EXOC4: variants seen among roughly 807,000 people sequenced by gnomAD.
EXOC4 encodes the protein exocyst complex component 4.
In EXOC4, 71 loss-of-function variants were observed where a neutral mutation model predicts 107.2. The observed-to-expected ratio is 0.66, with a 90% CI of 0.55 to 0.81. The LOEUF is 0.81. EXOC4 is among the 30% of genes least tolerant of loss of function. The probability of loss-of-function intolerance (pLI) is 0.00; values close to 1 mark genes in which losing one functional copy is unlikely to be tolerated. For synonymous variants in EXOC4, 456 were observed against 441.2 expected (o/e 1.03, Z -0.42); for missense variants, 1,108 against 1,189.6 (o/e 0.93, Z 1.01).
chr7:134,051,846 C>T (rs1795799283), intron 17 of EXOC4, among the ~76,000 whole-genome samples: 1 of 151,272 alleles, frequency 6.6e-6, no homozygotes, highest in Non-Finnish European at 1.5e-5. Flanking sequence ...ATTAGCTGGG[C>T]ATGGTGGTGG....
intron 14 of EXOC4, among the ~76,000 whole-genome samples, chr7:133,954,398 T>A (rs1317821246): frequency 6.6e-6 from 1 of 152,256 alleles, no homozygotes; most frequent in Non-Finnish European, 1.5e-5. Flanking sequence ...GAAGCTGTAA[T>A]CATTAGGAAG....
At chr7:133,263,777 A>G (rs1793643625) in intron 1 of EXOC4, among the ~76,000 whole-genome samples, 1 of 2,734 alleles carries the variant, frequency 3.7e-4, no homozygotes, top group African/African-American at 1.8e-3. Flanking sequence ...GGGAGGGAAG[A>G]TGGTGGGAAA....
At chr7:133,956,096 G>A (rs897097742) in intron 14 of EXOC4, among the ~76,000 whole-genome samples, 9 of 152,236 alleles carry the variant, frequency 5.9e-5, no homozygotes, top group Non-Finnish European at 8.8e-5. Flanking sequence ...CTGCAACTGG[G>A]GGCCATCAAT....
chr7:133,967,833 T>C (rs771310944), intron 14 of EXOC4, among the ~76,000 whole-genome samples: 1 of 152,174 alleles, frequency 6.6e-6, no homozygotes. Context: ...GTTCTGTAGA[T>C]GTCTATTAGG....
intron 11 of EXOC4, among the ~76,000 whole-genome samples, chr7:133,849,760 A>G (rs1033748492): frequency 6.6e-6 from 1 of 152,228 alleles, no homozygotes; most frequent in Non-Finnish European, 1.5e-5. Flanking sequence ...CTAATGCCTA[A>G]CACGTAGTAG....
In EXOC4 at chr7:133,313,286, C is replaced by T. The variant is rs141803567; in HGVS notation, c.657-3998C>T. Among the ~76,000 whole-genome samples, 438 of 151,762 alleles carry T rather than the reference C, an allele frequency of 2.9e-3. 3 individuals carry two copies. The highest frequency in any genetic ancestry group is 9.9e-3 in the African/African-American group (409 of 41,408). ...ACCCTTTAAATCATTCTTATTCTTTCTGAGTGTTCCAACAGATCTTAGAAC... is the reference window on the plus strand; with the variant it reads ...ACCCTTTAAATCATTCTTATTCTTTTTGAGTGTTCCAACAGATCTTAGAAC... On this transcript the variant is annotated intron_variant, in intron 4 of 17. Coordinates refer to ENST00000253861, the MANE Select transcript of EXOC4 (RefSeq NM_021807.4).
chr7:133,341,905 C>G (rs1360901495), intron 5 of EXOC4, among the ~76,000 whole-genome samples: 1 of 152,128 alleles, frequency 6.6e-6, no homozygotes, highest in Non-Finnish European at 1.5e-5. Flanking sequence ...TACCCCTTTA[C>G]CTTAGATTTA....
At chr7:133,463,362 A>G (rs577208944) in intron 7 of EXOC4, among the ~76,000 whole-genome samples, 1 of 152,168 alleles carries the variant, frequency 6.6e-6, no homozygotes, top group African/African-American at 2.4e-5. Flanking sequence ...AGTTTGTTGG[A>G]CCCATGTTTT....
chr7:134,074,948 G>C, the EXOC4 span, among the ~76,000 whole-genome samples: 1 of 152,192 alleles, frequency 6.6e-6, no homozygotes, highest in Admixed American at 6.5e-5. Flanking sequence ...AGTGGAGCTA[G>C]AGAATCAATG....
chr7:133,542,877 T>A (rs753099124), intron 9 of EXOC4, among the ~76,000 whole-genome samples: 17 of 152,192 alleles, frequency 1.1e-4, no homozygotes, highest in Admixed American at 2.0e-4. Context: ...ATTTTATTTT[T>A]TTTTTGAATT....
At chr7:133,463,383 A>C (rs1249979694) in intron 7 of EXOC4, among the ~76,000 whole-genome samples, 1 of 152,148 alleles carries the variant, frequency 6.6e-6, no homozygotes, top group East Asian at 1.9e-4. Context: ...AGCATTTCCT[A>C]AACATCTGCT....
At chr7:133,639,865 T>G (rs1020128628) in intron 10 of EXOC4, among the ~76,000 whole-genome samples, 34 of 152,042 alleles carry the variant, frequency 2.2e-4, no homozygotes, top group African/African-American at 7.0e-4. Context: ...TGTAAATACA[T>G]GAGAAAGTAT....
At chr7:133,582,336 A>G (rs1476380736) in intron 9 of EXOC4, among the ~76,000 whole-genome samples, 1 of 152,192 alleles carries the variant, frequency 6.6e-6, no homozygotes, top group Non-Finnish European at 1.5e-5. Context: ...GCTGTGTAGT[A>G]TTCAAAGGTG....
chr7:133,360,988 A>C lies in EXOC4; in HGVS notation c.1007+4415A>C, dbSNP rs550331540. ...GGCTGCCTCTAGAATGGAAGAGAAG[A>C]GAGCACTAGTTTGTCTTGTTCAGTA... is the stretch of plus-strand genomic sequence containing the variant. On this transcript the variant is annotated intron_variant, in intron 6 of 17. Transcript: ENST00000253861. Among the ~76,000 whole-genome samples, 3 of 152,362 alleles carry C rather than the reference A, an allele frequency of 2.0e-5. No individual in the cohort carries two copies. In the South Asian group the frequency reaches 6.2e-4, roughly 32 times the overall value.
chr7:133,872,382 A>T (rs564385352), intron 11 of EXOC4, among the ~76,000 whole-genome samples: 3 of 152,296 alleles, frequency 2.0e-5, no homozygotes, highest in Non-Finnish European at 4.4e-5. Context: ...CTGTGTATTG[A>T]ACAAGAGCCA....
At chr7:133,963,685 G>A (rs1248199491) in intron 14 of EXOC4, among the ~76,000 whole-genome samples, 1 of 152,206 alleles carries the variant, frequency 6.6e-6, no homozygotes, top group Non-Finnish European at 1.5e-5. Context: ...AAGCAGAGAA[G>A]AACGTGAAAT....
chr7:133,536,392 C>G (rs1383507666), intron 9 of EXOC4, among the ~76,000 whole-genome samples: 2 of 152,112 alleles, frequency 1.3e-5, no homozygotes, highest in African/African-American at 4.8e-5. Context: ...CTTGAGATCA[C>G]GTACATCCAC....
At chr7:133,953,140 A>G (rs769705570) in intron 14 of EXOC4, among the ~76,000 whole-genome samples, 10 of 152,182 alleles carry the variant, frequency 6.6e-5, no homozygotes, top group Non-Finnish European at 1.3e-4. Flanking sequence ...TTTCTCAGAT[A>G]TGATAATAAT....
intron 7 of EXOC4, among the ~76,000 whole-genome samples, chr7:133,453,246 T>G (rs1798388592): frequency 6.6e-6 from 1 of 152,214 alleles, no homozygotes; most frequent in Non-Finnish European, 1.5e-5. Context: ...TATCATTGGT[T>G]GGCCAGCGTC....
Sources: allele counts gnomAD v4.1 joint callset (sites outside exome capture counted in the v4.1 genomes callset), GRCh38; gene constraint gnomAD v4.1.1; transcripts MANE v1.5; gene names NCBI Gene and HGNC (gene_info 2026-07-23, HGNC 2026-07-21).